Variants in CADM2 observed in about 807,000 individuals in gnomAD.
The protein encoded by CADM2 is cell adhesion molecule 2, also known as immunoglobulin superfamily member 4D.
CADM2 carries 12 observed loss-of-function variants against 49.8 expected under a neutral mutation model. The observed-to-expected ratio is 0.24, with a 90% CI of 0.15 to 0.39. The LOEUF is 0.39. Among genes scored for constraint, CADM2 ranks in the 10% least tolerant of loss-of-function variants. The probability of loss-of-function intolerance (pLI) is 1.00; values close to 1 mark genes in which losing one functional copy is unlikely to be tolerated. For missense variants in CADM2, 378 were observed against 492.3 expected (o/e 0.77, Z 2.20); for synonymous variants, 214 against 175.4 (o/e 1.22, Z -1.74).
At chr3:85,800,665 T>C (rs2071961571) in intron 2 of CADM2, 1 of 152,398 alleles carries the variant, frequency 6.6e-6, no homozygotes, top group Admixed American at 6.5e-5. Context: ...GGGAGGGAGT[T>C]CCCTGACCCC....
intron 1 of CADM2, among the ~76,000 whole-genome samples, chr3:84,962,570 G>C (rs2030639060): frequency 6.6e-6 from 1 of 152,156 alleles, no homozygotes; most frequent in African/African-American, 2.4e-5. Flanking sequence ...ATACTTAGCG[G>C]GTCTTTCTAT....
At chr3:86,046,095 T>A (rs559911565) in intron 8 of CADM2, among the ~76,000 whole-genome samples, 1 of 152,262 alleles carries the variant, frequency 6.6e-6, no homozygotes, top group South Asian at 2.1e-4. Flanking sequence ...TTCAGAGAAG[T>A]TCAATAAAAA....
At chr3:85,210,384 A>ATTGAATATT (rs1240385485) in intron 1 of CADM2, among the ~76,000 whole-genome samples, 1 of 151,988 alleles carries the variant, frequency 6.6e-6, no homozygotes, top group South Asian at 2.1e-4. Flanking sequence ...CTAGCATTTT[A>ATTGAATATT]TTGAATATTT....
At chr3:85,720,086 T>C (rs2067444840) in intron 1 of CADM2, among the ~76,000 whole-genome samples, 1 of 152,196 alleles carries the variant, frequency 6.6e-6, no homozygotes, top group Non-Finnish European at 1.5e-5. Context: ...TTGATGTGTC[T>C]TTTAGGTTTC....
intron 1 of CADM2, among the ~76,000 whole-genome samples, chr3:85,412,107 G>T (rs2035682450): frequency 1.3e-5 from 2 of 152,120 alleles, no homozygotes; most frequent in African/African-American, 2.4e-5. Context: ...TGGGATTAAA[G>T]GAGTGAGCCA....
intron 3 of CADM2, among the ~76,000 whole-genome samples, chr3:85,853,384 T>A (rs2075179530): frequency 6.6e-6 from 1 of 152,102 alleles, no homozygotes; most frequent in South Asian, 2.1e-4. Context: ...AATATTTATG[T>A]ATTTTAAGTA....
intron 1 of CADM2, among the ~76,000 whole-genome samples, chr3:85,466,524 C>A (rs79371257): frequency 0.014 from 2,088 of 152,240 alleles, 53 homozygotes; most frequent in African/African-American, 0.048. Flanking sequence ...GTAGTCACAA[C>A]TCTAGCTTGA....
At chr3:85,096,245 G>C (rs780536465) in intron 1 of CADM2, among the ~76,000 whole-genome samples, 1 of 151,944 alleles carries the variant, frequency 6.6e-6, no homozygotes, top group African/African-American at 2.4e-5. Context: ...GTTAAATTTT[G>C]TTTTGTTTTT....
At chr3:85,238,182 A>G (rs1157361120) in intron 1 of CADM2, among the ~76,000 whole-genome samples, 1 of 151,876 alleles carries the variant, frequency 6.6e-6, no homozygotes, top group Non-Finnish European at 1.5e-5. Flanking sequence ...TTACTTTTAT[A>G]TTGTTTTAAT....
At chr3:85,598,253 G>A (rs1327718882) in intron 1 of CADM2, among the ~76,000 whole-genome samples, 1 of 151,940 alleles carries the variant, frequency 6.6e-6, no homozygotes, top group African/African-American at 2.4e-5. Flanking sequence ...TTCAGGCTGG[G>A]CTTTAATCTT....
At chr3:85,691,635 G>A (rs1050511251) in intron 1 of CADM2, among the ~76,000 whole-genome samples, 6 of 151,932 alleles carry the variant, frequency 3.9e-5, no homozygotes, top group African/African-American at 1.2e-4. Context: ...GTATATACCC[G>A]AAGGATTATA....
At chr3:85,506,958 G>T (rs1008787268) in intron 1 of CADM2, among the ~76,000 whole-genome samples, 1 of 151,950 alleles carries the variant, frequency 6.6e-6, no homozygotes, top group Non-Finnish European at 1.5e-5. Flanking sequence ...TTACTTTAAA[G>T]CACTATGCTA....
chr3:85,612,280 C>T (rs2063699649), intron 1 of CADM2, among the ~76,000 whole-genome samples: 2 of 151,944 alleles, frequency 1.3e-5, no homozygotes, highest in South Asian at 4.1e-4. Context: ...AAGCACATAG[C>T]CACACTTAGC....
intron 1 of CADM2, among the ~76,000 whole-genome samples, chr3:85,421,301 T>G (rs2036158126): frequency 6.6e-6 from 1 of 152,172 alleles, no homozygotes; most frequent in African/African-American, 2.4e-5. Flanking sequence ...TTAAAAATGA[T>G]CATCATTTAT....
intron 8 of CADM2, among the ~76,000 whole-genome samples, chr3:86,023,155 A>G (rs1222598947): frequency 1.3e-5 from 2 of 151,932 alleles, no homozygotes; most frequent in African/African-American, 2.4e-5. Context: ...GCAATGTGCT[A>G]CACACATTGA....
chr3:85,657,053 T>G (rs1178805923), intron 1 of CADM2, among the ~76,000 whole-genome samples: 3 of 152,206 alleles, frequency 2.0e-5, no homozygotes, highest in African/African-American at 7.2e-5. Context: ...CTAGGTTTTT[T>G]GAAATTCTAC....
chr3:85,477,620 A>G (rs1465762511), intron 1 of CADM2, among the ~76,000 whole-genome samples: 1 of 151,930 alleles, frequency 6.6e-6, no homozygotes, highest in Non-Finnish European at 1.5e-5. Flanking sequence ...GCAGTGTTAA[A>G]TGCTACAATG....
chr3:85,212,182 G>A (rs893439939), intron 1 of CADM2, among the ~76,000 whole-genome samples: 7 of 152,082 alleles, frequency 4.6e-5, no homozygotes, highest in African/African-American at 1.7e-4. Flanking sequence ...TAGATAAAGT[G>A]TATTTCTTGT....
chr3:85,576,794 TA>T (rs2062643710), intron 1 of CADM2, among the ~76,000 whole-genome samples: 1 of 152,154 alleles, frequency 6.6e-6, no homozygotes, highest in Non-Finnish European at 1.5e-5. Flanking sequence ...CATCTACTCT[TA>T]AAACTATTAC....
Sources: gnomAD v4.1 joint callset for allele counts (sites outside exome capture counted in the v4.1 genomes callset) on GRCh38, gnomAD v4.1.1 for gene constraint, MANE v1.5 for transcripts, NCBI Gene and HGNC (gene_info 2026-07-23, HGNC 2026-07-21) for gene names.